Variants in PLEKHA7 observed in about 807,000 individuals in gnomAD.
The protein encoded by PLEKHA7 is pleckstrin homology domain-containing family A member 7.
PLEKHA7 carries 104 observed loss-of-function variants against 170.0 expected under a neutral mutation model. The observed-to-expected ratio is 0.61, with a 90% CI of 0.52 to 0.72. The LOEUF is 0.72. Ranked by LOEUF, PLEKHA7 falls within the 30% of genes least tolerant of loss-of-function variation. The pLI, the probability that PLEKHA7 is intolerant of heterozygous loss-of-function variation, is 0.00. For synonymous variants in PLEKHA7, 648 were observed against 660.8 expected (o/e 0.98, Z 0.30); for missense variants, 1,615 against 1,671.7 (o/e 0.97, Z 0.59).
At chr11:16,937,874 T>C (rs1465149446) in intron 3 of PLEKHA7, among the ~76,000 whole-genome samples, 2 of 152,086 alleles carry the variant, frequency 1.3e-5, no homozygotes, top group African/African-American at 2.4e-5. Flanking sequence ...TCCCAAAGTG[T>C]TGGGATTACA....
At chr11:16,943,314 C>T (rs1860811754) in intron 3 of PLEKHA7, among the ~76,000 whole-genome samples, 1 of 151,804 alleles carries the variant, frequency 6.6e-6, no homozygotes, top group Non-Finnish European at 1.5e-5. Context: ...ACATTGACAG[C>T]ACATCTTAAC....
At chr11:16,944,421 A>G (rs1455478319) in intron 3 of PLEKHA7, among the ~76,000 whole-genome samples, 1 of 151,864 alleles carries the variant, frequency 6.6e-6, no homozygotes, top group East Asian at 1.9e-4. Context: ...CTGAGACAGG[A>G]GAATCACTTG....
intron 4 of PLEKHA7, among the ~76,000 whole-genome samples, chr11:16,860,251 T>C (rs768931071): frequency 1.2e-4 from 18 of 152,370 alleles, no homozygotes; most frequent in Non-Finnish European, 2.1e-4. Context: ...GTGCTTCTGC[T>C]TCCTGCATAT....
At chr11:17,014,247 G>A in intron 1 of PLEKHA7, 46 bp from the exon 2 acceptor site, 1 of 1,412,938 alleles carries the variant, frequency 7.1e-7, no homozygotes, top group Non-Finnish European at 9.2e-7. Context: ...CAGCCCGCCG[G>A]GTGCCCGCCC....
chr11:17,008,158 G>A (rs866308552), intron 3 of PLEKHA7, among the ~76,000 whole-genome samples: 16 of 152,104 alleles, frequency 1.1e-4, no homozygotes, highest in South Asian at 6.2e-4. Flanking sequence ...CCCACAAGAA[G>A]AAAGTACCTA....
At chr11:16,794,184 C>T (rs558540952) in intron 19 of PLEKHA7, among the ~76,000 whole-genome samples, 42 of 151,810 alleles carry the variant, frequency 2.8e-4, no homozygotes, top group African/African-American at 4.1e-4. Context: ...AGCCACACAC[C>T]TCTCTGCAGA....
At chr11:16,924,765 G>A (rs1325141899) in intron 3 of PLEKHA7, among the ~76,000 whole-genome samples, 2 of 152,192 alleles carry the variant, frequency 1.3e-5, no homozygotes, top group Non-Finnish European at 2.9e-5. Flanking sequence ...GGGGAGGCCT[G>A]CAACCCACCA....
chr11:16,820,121 T>C (rs1023706809), intron 10 of PLEKHA7, among the ~76,000 whole-genome samples: 5 of 152,214 alleles, frequency 3.3e-5, no homozygotes, highest in Non-Finnish European at 7.3e-5. Flanking sequence ...ACCTCAGACC[T>C]ACCTAATCAG....
At chr11:16,886,305 C>G (rs1856097426) in intron 3 of PLEKHA7, among the ~76,000 whole-genome samples, 1 of 152,210 alleles carries the variant, frequency 6.6e-6, no homozygotes, top group African/African-American at 2.4e-5. Flanking sequence ...GTTCAGCTCT[C>G]CACAGTTGTC....
At chr11:16,972,542 C>G (rs1263549732) in intron 3 of PLEKHA7, among the ~76,000 whole-genome samples, 1 of 152,170 alleles carries the variant, frequency 6.6e-6, no homozygotes, top group Non-Finnish European at 1.5e-5. Context: ...TCTCAAGTAG[C>G]TGGGACTGCT....
At chr11:16,967,435 C>G (rs1862439886) in intron 3 of PLEKHA7, among the ~76,000 whole-genome samples, 1 of 152,140 alleles carries the variant, frequency 6.6e-6, no homozygotes, top group Non-Finnish European at 1.5e-5. Context: ...TCAAATTGAC[C>G]TTTGGCTGGG....
intron 13 of PLEKHA7, among the ~76,000 whole-genome samples, chr11:16,804,575 C>T (rs1289916644): frequency 6.6e-6 from 1 of 152,318 alleles, no homozygotes; most frequent in South Asian, 2.1e-4. Flanking sequence ...CTGGGCTACA[C>T]ACATGCCCCA....
chr11:16,941,096 A>G (rs1860665978), intron 3 of PLEKHA7, among the ~76,000 whole-genome samples: 1 of 152,198 alleles, frequency 6.6e-6, no homozygotes, highest in South Asian at 2.1e-4. Context: ...GCGATGTCCA[A>G]GTGAGCTTCC....
intron 3 of PLEKHA7, among the ~76,000 whole-genome samples, chr11:16,894,958 C>T (rs1856908704): frequency 6.6e-6 from 1 of 152,092 alleles, no homozygotes; most frequent in Non-Finnish European, 1.5e-5. Context: ...TTATTATTTC[C>T]ATTTTACAGA....
At chr11:16,876,105 T>C (rs562122583) in intron 3 of PLEKHA7, among the ~76,000 whole-genome samples, 1 of 152,184 alleles carries the variant, frequency 6.6e-6, no homozygotes, top group East Asian at 1.9e-4. Flanking sequence ...TCGCTGTCCC[T>C]GGCTCCCCCG....
At chr11:16,832,222 C>A (rs1236182588) in intron 9 of PLEKHA7, among the ~76,000 whole-genome samples, 1 of 152,198 alleles carries the variant, frequency 6.6e-6, no homozygotes, top group East Asian at 1.9e-4. Context: ...ACCCTGGATT[C>A]CTGCTATGGG....
intron 3 of PLEKHA7, among the ~76,000 whole-genome samples, chr11:16,872,470 T>C (rs450954): frequency 0.46 from 69,241 of 152,054 alleles, 16,441 homozygotes; most frequent in Non-Finnish European, 0.54. Context: ...AGTCCTATAT[T>C]ATTAAGACTT....
chr11:16,964,026 AT>A (rs1402633779), intron 3 of PLEKHA7, among the ~76,000 whole-genome samples: 1 of 152,074 alleles, frequency 6.6e-6, no homozygotes, highest in Non-Finnish European at 1.5e-5. Flanking sequence ...GTTTCTATGT[AT>A]TTGGCTATTC....
intron 3 of PLEKHA7, among the ~76,000 whole-genome samples, chr11:16,915,894 G>A (rs1858631595): frequency 6.7e-6 from 1 of 150,080 alleles, no homozygotes; most frequent in Admixed American, 6.6e-5. Context: ...GGGATGGCTG[G>A]GTCAAATGGT....
Sources: allele counts gnomAD v4.1 joint callset (sites outside exome capture counted in the v4.1 genomes callset), GRCh38; gene constraint gnomAD v4.1.1; transcripts MANE v1.5; gene names NCBI Gene and HGNC (gene_info 2026-07-23, HGNC 2026-07-21).